Variants in EMCN observed in about 807,000 individuals in gnomAD.
EMCN encodes the protein MUC-14.
Under a neutral mutation model 38.4 loss-of-function variants are expected in EMCN, and 37 were observed. The ratio of observed to expected loss-of-function variants is 0.96; its 90% CI spans 0.74 to 1.27. EMCN has a LOEUF of 1.27. Ranked by LOEUF, EMCN falls within the 50% of genes most tolerant of loss-of-function variation. The pLI, the probability that EMCN is intolerant of heterozygous loss-of-function variation, is 0.00. For synonymous variants in EMCN, 95 were observed against 100.8 expected, an observed-to-expected ratio of 0.94 and a Z score of 0.35; for missense variants, 318 against 302.8, an observed-to-expected ratio of 1.05 and a Z score of -0.37.
At chr4:100,478,723 T>C (rs900322653) in intron 2 of EMCN, among the ~76,000 whole-genome samples, 1 of 152,202 alleles carries the variant, frequency 6.6e-6, no homozygotes, top group Admixed American at 6.6e-5. Flanking sequence ...GTAAAACTTC[T>C]CTGACCCATT....
chr4:100,404,625 C>T (rs1726345024), intron 11 of EMCN, among the ~76,000 whole-genome samples: 1 of 151,876 alleles, frequency 6.6e-6, no homozygotes, highest in Non-Finnish European at 1.5e-5. Context: ...CTTGTAGTAT[C>T]ATTTGAAGTT....
intron 1 of EMCN, chr4:100,487,088 A>G: frequency 1.1e-6 from 1 of 902,958 alleles, no homozygotes. Flanking sequence ...TGGGAGGAAA[A>G]AGGAATATCT....
rs546976376 is a variant in EMCN, at chr4:100,514,250, T to C, written c.64+3601A>G. On this transcript the variant is annotated intron_variant, in intron 1 of 11. Coordinates refer to ENST00000296420, the MANE Select transcript of EMCN (RefSeq NM_016242.4). ...TTTTTCTCACTAAACCGTCTCCTCA[T>C]ATCTTTCCTAATCTCTGCTCCCAAG... Among the ~76,000 whole-genome samples the C allele has an allele frequency of 3.3e-5, 5 of 152,190 alleles. No individual in the cohort carries two copies. In the South Asian group the frequency reaches 1.0e-3, roughly 32 times the overall value.
chr4:100,402,060 C>A (rs932276629), intron 11 of EMCN, among the ~76,000 whole-genome samples: 9 of 152,014 alleles, frequency 5.9e-5, no homozygotes, highest in African/African-American at 2.2e-4. Context: ...TGTCACTGTG[C>A]AAAGTATAAT....
intron 2 of EMCN, among the ~76,000 whole-genome samples, chr4:100,478,564 G>A (rs1728722338): frequency 6.6e-6 from 1 of 152,026 alleles, no homozygotes. Flanking sequence ...CAGAAAGAAG[G>A]CAGGAAGGGG....
chr4:100,429,861 G>A (rs1289126837), intron 5 of EMCN, among the ~76,000 whole-genome samples: 1 of 152,096 alleles, frequency 6.6e-6, no homozygotes, highest in Non-Finnish European at 1.5e-5. Context: ...GGCTCAGAGA[G>A]ATAAGGTAAT....
At chr4:100,403,467 G>A (rs997012750) in intron 11 of EMCN, among the ~76,000 whole-genome samples, 1 of 151,868 alleles carries the variant, frequency 6.6e-6, no homozygotes, top group Middle Eastern at 3.4e-3. Context: ...AGGTTGGTGG[G>A]CATCTAGGTT....
At chr4:100,484,617 G>A (rs1033515319) in intron 1 of EMCN, among the ~76,000 whole-genome samples, 19 of 152,040 alleles carry the variant, frequency 1.2e-4, no homozygotes, top group Admixed American at 3.9e-4. Flanking sequence ...TCTTTGGGAC[G>A]GCGGATCACC....
chr4:100,491,364 C>T (rs1467686881), intron 1 of EMCN, among the ~76,000 whole-genome samples: 1 of 152,164 alleles, frequency 6.6e-6, no homozygotes, highest in African/African-American at 2.4e-5. Flanking sequence ...CTCTGCATGG[C>T]CTCAAAGTCC....
In EMCN at chr4:100,397,362, T is replaced by G. The variant is rs1323759826; in HGVS notation, c.*1051A>C. ...ACAGAAGAATTTGCTCCTGATGGAGTGGCAGCTATAATCATATGGTATTTT... is the reference window on the plus strand; with the variant it reads ...ACAGAAGAATTTGCTCCTGATGGAGGGGCAGCTATAATCATATGGTATTTT... On this transcript the variant is annotated 3_prime_UTR_variant, in exon 12 of 12. Coordinates refer to ENST00000296420, the MANE Select transcript of EMCN (RefSeq NM_016242.4). 1 of 152,122 alleles carries G rather than the reference T, an allele frequency of 6.6e-6. No homozygotes were observed. The highest frequency in any genetic ancestry group is 1.5e-5 in the Non-Finnish European group (1 of 68,020). The allele number at this position is 152,122 out of a possible 1,614,324, so 9.4% of individuals were successfully genotyped here.
In EMCN at chr4:100,473,365, G is replaced by GTTTTTTTTTTTTTTTT; in HGVS notation, c.259+1672_259+1673insAAAAAAAAAAAAAAAA. Among the ~76,000 whole-genome samples the GTTTTTTTTTTTTTTTT allele has an allele frequency of 2.8e-3, 83 of 29,860 alleles. 15 individuals are homozygous for GTTTTTTTTTTTTTTTT. Among genetic ancestry groups the GTTTTTTTTTTTTTTTT allele is most frequent in the Non-Finnish European group, 4.9e-3 (58 of 11,958 alleles). 19.6% of individuals were successfully genotyped at this position (29,860 alleles called of 152,430 possible). On this transcript the variant is annotated intron_variant, in intron 3 of 11. Transcript: ENST00000296420. Reference sequence around the variant, plus strand: ...TTCTAATGGGCATTTCCCGTTTCGTGTTTTTTTGTTTTTTTTTTTTGTTTT... The same window carrying GTTTTTTTTTTTTTTTT: ...TTCTAATGGGCATTTCCCGTTTCGTGTTTTTTTTTTTTTTTTTTTTTTTGTTTTTTTTTTTTGTTTT...
chr4:100,436,580 T>C (rs1002433026), intron 5 of EMCN, among the ~76,000 whole-genome samples: 2 of 152,186 alleles, frequency 1.3e-5, no homozygotes, highest in African/African-American at 4.8e-5. Context: ...ATTGCAGCAC[T>C]GTTCACAATA....
chr4:100,465,404 C>A lies in EMCN; in HGVS notation c.376+19G>T. ...GCAACACACTAGTTTAACACTTCAG[C>A]ACAAATCCTCATACTTACTCTTGGG... is the stretch of plus-strand genomic sequence containing the variant. On this transcript the variant is annotated intron_variant, in intron 4 of 11. Transcript: ENST00000296420. The A allele has an allele frequency of 6.9e-7, 1 of 1,451,724 alleles. No homozygotes were observed. Among genetic ancestry groups the A allele is most frequent in the Non-Finnish European group, 9.6e-7 (1 of 1,046,992 alleles). 89.9% of individuals were successfully genotyped at this position (1,451,724 alleles called of 1,614,324 possible).
intron 7 of EMCN, among the ~76,000 whole-genome samples, 169 bp downstream of exon 7, chr4:100,422,852 C>T (rs1366643255): frequency 8.5e-6 from 1 of 118,222 alleles, no homozygotes; most frequent in Non-Finnish European, 1.9e-5. Flanking sequence ...TTAAGACTCA[C>T]TTGTGGGAAA....
At chr4:100,417,171 T>G (rs1159500877) in intron 8 of EMCN, 30 bp from the exon 9 acceptor site, 3 of 1,613,166 alleles carry the variant, frequency 1.9e-6, no homozygotes, top group African/African-American at 2.7e-5. Context: ...TTATTAGAGT[T>G]GCAAAGAAGT....
intron 5 of EMCN, among the ~76,000 whole-genome samples, chr4:100,428,409 G>A (rs146592320): frequency 7.6e-4 from 115 of 152,178 alleles, no homozygotes; most frequent in African/African-American, 2.6e-3. Context: ...CAGTGCTTGT[G>A]ATCCCTTCCT....
rs1726150898 is a variant in EMCN, at chr4:100,397,599, C to T, written c.*814G>A. 6.6e-6 allele frequency: 1 copy of T among 151,998 alleles called. No individual in the cohort carries two copies. Among genetic ancestry groups the T allele is most frequent in the Non-Finnish European group, 1.5e-5 (1 of 68,008 alleles). 9.4% of individuals were successfully genotyped at this position (151,998 alleles called of 1,614,324 possible). On this transcript the variant is annotated 3_prime_UTR_variant, in exon 12 of 12. Transcript: ENST00000296420. ...AATGCAGTATAGTGTTATAAATGCC[C>T]TTGCACTTACATCTTCATCACATAG...
Position 100,410,434 on chromosome 4 carries a change from T to C in EMCN, c.752-79A>G, listed in dbSNP as rs1726520876. ...AAAATAAAGTTTCCTAGCTTTTTTC[T>C]ATTTTTCAAGGAAAGTTCAACTTTC... On this transcript the variant is annotated intron_variant, in intron 10 of 11. Transcript: ENST00000296420. The C allele has an allele frequency of 4.2e-6, 6 of 1,414,772 alleles. No individual in the cohort carries two copies. The Admixed American group carries it at 5.9e-5, about 14-fold the overall frequency. 87.6% of individuals were successfully genotyped at this position (1,414,772 alleles called of 1,614,324 possible). A position where few individuals can be genotyped will look rare whatever the true frequency, so the allele number is the denominator to read the frequency against.
chr4:100,453,356 G>A (rs983872645), intron 4 of EMCN, among the ~76,000 whole-genome samples: 2 of 152,076 alleles, frequency 1.3e-5, no homozygotes, highest in African/African-American at 4.8e-5. Context: ...CAAAAAGTGG[G>A]CAAAGGATAT....
Sources: allele counts gnomAD v4.1 joint callset (sites outside exome capture counted in the v4.1 genomes callset), GRCh38; gene constraint gnomAD v4.1.1; transcripts MANE v1.5; gene names NCBI Gene and HGNC (gene_info 2026-07-23, HGNC 2026-07-21).